NLGN1: variants seen among roughly 807,000 people sequenced by gnomAD.
The protein encoded by NLGN1 is neuroligin 1.
In NLGN1, 12 loss-of-function variants were observed where a neutral mutation model predicts 65.5. The observed-to-expected ratio is 0.18, with a 90% confidence interval of 0.12 to 0.30. The LOEUF (loss-of-function observed/expected upper bound fraction) is 0.30. Ranked by LOEUF, NLGN1 falls within the 10% of genes least tolerant of loss-of-function variation. The probability of loss-of-function intolerance (pLI) is 1.00; values close to 1 mark genes in which losing one functional copy is unlikely to be tolerated. For missense variants in NLGN1, 750 were observed against 1,007.1 expected (o/e 0.74, Z 3.46); for synonymous variants, 350 against 359.5 (o/e 0.97, Z 0.30).
intron 3 of NLGN1, among the ~76,000 whole-genome samples, chr3:173,792,033 G>T (rs780902286): frequency 3.3e-5 from 5 of 152,056 alleles, no homozygotes; most frequent in Non-Finnish European, 7.4e-5. Context: ...GAGAGAAAGG[G>T]GCAGAGAATT....
At position 174,124,400 on chromosome 3, in the gene NLGN1, A is replaced by G. The variant is rs550753507; in HGVS notation, c.647-150915A>G. Among the ~76,000 whole-genome samples, 3 of 151,946 alleles carry G rather than the reference A, an allele frequency of 2.0e-5. 1 individual carries two copies. The South Asian group carries it at 6.2e-4, about 31-fold the overall frequency. On this transcript the variant is annotated intron_variant, in intron 4 of 6. Transcript: ENST00000457714. Reference sequence around the variant, plus strand: ...AAGCCTGATACTAATTTATGGGAATACATTGGCACTGATAAATAAAATCAC... The same window carrying G: ...AAGCCTGATACTAATTTATGGGAATGCATTGGCACTGATAAATAAAATCAC...
chr3:173,491,819 C>G (rs1278622080), intron 2 of NLGN1, among the ~76,000 whole-genome samples: 1 of 151,714 alleles, frequency 6.6e-6, no homozygotes, highest in Non-Finnish European at 1.5e-5. Context: ...TAATTTAGCT[C>G]CCTATAGAAT....
chr3:173,847,795 C>T (rs759456260), intron 4 of NLGN1, among the ~76,000 whole-genome samples: 5 of 152,080 alleles, frequency 3.3e-5, no homozygotes, highest in Admixed American at 2.6e-4. Context: ...TCACTTGAAC[C>T]GGGGAGGCAG....
chr3:173,727,464 G>T (rs1402699703), intron 3 of NLGN1, among the ~76,000 whole-genome samples: 1 of 152,104 alleles, frequency 6.6e-6, no homozygotes, highest in Non-Finnish European at 1.5e-5. Context: ...CCACTGACGT[G>T]CTAGAGTTGT....
At position 173,543,430 on chromosome 3, in the gene NLGN1, C is replaced by CAGAATAGTACTTTTAA. The variant is rs1739225651; in HGVS notation, c.-320-60847_-320-60846insAATAGTACTTTTAAAG. On this transcript the variant is annotated intron_variant, in intron 2 of 6. Transcript: ENST00000457714. ...CCAGCATTATTCTGCCTTTTTAAAG[C>CAGAATAGTACTTTTAA]AGTACATAAACTCCTGATGTATACT... is the stretch of plus-strand genomic sequence containing the variant. Among the ~76,000 whole-genome samples the CAGAATAGTACTTTTAA allele has an allele frequency of 2.6e-5, 4 of 152,212 alleles. No individual in the cohort carries two copies. In the South Asian group the frequency reaches 8.3e-4, roughly 31 times the overall value.
intron 2 of NLGN1, among the ~76,000 whole-genome samples, chr3:173,577,713 A>G (rs1745727556): frequency 6.6e-6 from 1 of 152,194 alleles, no homozygotes; most frequent in Admixed American, 6.5e-5. Flanking sequence ...AATTTTATTC[A>G]CATACAAGCA....
At chr3:173,944,139 G>GTGTGTGTGTT (rs1746720449) in intron 4 of NLGN1, among the ~76,000 whole-genome samples, 1 of 151,672 alleles carries the variant, frequency 6.6e-6, no homozygotes, top group Non-Finnish European at 1.5e-5. Flanking sequence ...GTGTGTGTGT[G>GTGTGTGTGTT]TGTGTGTGTG....
chr3:174,052,702 G>T lies in NLGN1; in HGVS notation c.647-222613G>T, dbSNP rs186292462. The stretch of plus-strand genomic sequence containing the variant: ...ACTAGTCTATTTAATAGGACAAAGT[G>T]ATTAGGTGCTTCTATTTGAGAGTGT... On this transcript the variant is annotated intron_variant, in intron 4 of 6. Transcript: ENST00000457714. Among the ~76,000 whole-genome samples, 225 of 152,084 alleles carry T rather than the reference G, an allele frequency of 1.5e-3. 1 individual carries two copies. Among genetic ancestry groups the T allele is most frequent in the Non-Finnish European group, 2.5e-3 (167 of 67,958 alleles).
At chr3:174,196,817 T>C (rs996698843) in intron 4 of NLGN1, among the ~76,000 whole-genome samples, 2 of 152,216 alleles carry the variant, frequency 1.3e-5, no homozygotes, top group African/African-American at 4.8e-5. Context: ...GAACTTTGCA[T>C]ACGCCAAGAT....
intron 1 of NLGN1, among the ~76,000 whole-genome samples, chr3:173,400,752 G>A (rs1233853852): frequency 6.6e-6 from 1 of 152,116 alleles, no homozygotes; most frequent in Non-Finnish European, 1.5e-5. Context: ...GAGATCAAAA[G>A]ACATGCCTGA....
intron 3 of NLGN1, among the ~76,000 whole-genome samples, chr3:173,727,252 G>C (rs1377527339): frequency 6.6e-6 from 1 of 152,064 alleles, no homozygotes; most frequent in Non-Finnish European, 1.5e-5. Flanking sequence ...CAGTTAATTA[G>C]TAAGTGGCAA....
At chr3:174,027,066 T>TAAA (rs3035805) in intron 4 of NLGN1, among the ~76,000 whole-genome samples, 4 of 149,248 alleles carry the variant, frequency 2.7e-5, no homozygotes, top group South Asian at 2.1e-4. Context: ...TCAATTTTTT[T>TAAA]AAAAAAAAAA....
At chr3:174,059,168 C>A (rs937607105) in intron 4 of NLGN1, among the ~76,000 whole-genome samples, 5 of 152,046 alleles carry the variant, frequency 3.3e-5, no homozygotes, top group African/African-American at 9.7e-5. Context: ...CTGCTTGGGC[C>A]CCGGAGCCTA....
chr3:173,987,267 G>A (rs1296599369), intron 4 of NLGN1, among the ~76,000 whole-genome samples: 1 of 152,096 alleles, frequency 6.6e-6, no homozygotes, highest in Non-Finnish European at 1.5e-5. Flanking sequence ...TTGTAACAAA[G>A]GGAAGAGTCA....
rs376711952 is a variant in NLGN1 at position 173,699,915 on chromosome 3, C to T, written c.493+94824C>T. On this transcript the variant is annotated intron_variant, in intron 3 of 6. Transcript: ENST00000457714. ...AAAAGAAAAAGAAAAGAGAACTTTT[C>T]TGGTCACAGAGGTACTATTTAGTGC... Among the ~76,000 whole-genome samples the T allele has an allele frequency of 2.0e-5, 3 of 152,306 alleles. No homozygotes were observed. The South Asian group carries it at 6.2e-4, about 32-fold the overall frequency.
chr3:173,669,496 G>T (rs1008595151), intron 3 of NLGN1, among the ~76,000 whole-genome samples: 28 of 152,138 alleles, frequency 1.8e-4, no homozygotes, highest in African/African-American at 6.5e-4. Flanking sequence ...CTCCCTGTGT[G>T]CATGACTGTC....
intron 4 of NLGN1, among the ~76,000 whole-genome samples, chr3:173,920,281 T>C (rs1325030990): frequency 2.0e-5 from 3 of 152,304 alleles, no homozygotes; most frequent in Middle Eastern, 3.4e-3. Context: ...GAATGATTCA[T>C]TGACTCCTAA....
chr3:173,415,691 T>A (rs1431463745), intron 1 of NLGN1, among the ~76,000 whole-genome samples: 1 of 152,152 alleles, frequency 6.6e-6, no homozygotes, highest in Admixed American at 6.5e-5. Context: ...AAACTCTATA[T>A]GAATATAGGA....
intron 2 of NLGN1, among the ~76,000 whole-genome samples, chr3:173,538,480 A>C (rs978358915): frequency 2.0e-5 from 3 of 152,198 alleles, no homozygotes; most frequent in African/African-American, 7.2e-5. Flanking sequence ...CTTTGGTAGA[A>C]ACGTTATGCG....
Sources: allele counts gnomAD v4.1 joint callset (sites outside exome capture counted in the v4.1 genomes callset), GRCh38; gene constraint gnomAD v4.1.1; transcripts MANE v1.5; gene names NCBI Gene and HGNC (gene_info 2026-07-23, HGNC 2026-07-21).